ETV6: variants seen among roughly 807,000 people sequenced by gnomAD.
The protein encoded by ETV6 is ETS variant transcription factor 6.
In ETV6, 16 loss-of-function variants were observed where a neutral mutation model predicts 51.1. That is an observed-to-expected ratio of 0.31 (90% CI 0.21 to 0.48). The LOEUF is 0.48. Ranked by LOEUF, ETV6 falls within the 20% of genes least tolerant of loss-of-function variation. The pLI, the probability that ETV6 is intolerant of heterozygous loss-of-function variation, is 0.99. For synonymous variants in ETV6, 240 were observed against 224.1 expected (o/e 1.07, Z -0.64); for missense variants, 458 against 594.8 (o/e 0.77, Z 2.39).
At chr12:11,855,882 C>T (rs2136498257) in intron 4 of ETV6, among the ~76,000 whole-genome samples, 1 of 152,340 alleles carries the variant, frequency 6.6e-6, no homozygotes, top group South Asian at 2.1e-4. Context: ...CCACCAGCCA[C>T]TCCAGAGAAG....
At chr12:11,775,468 G>A (rs1945307838) in intron 2 of ETV6, among the ~76,000 whole-genome samples, 1 of 152,178 alleles carries the variant, frequency 6.6e-6, no homozygotes, top group Admixed American at 6.5e-5. Context: ...AATGTCTTTA[G>A]GGTAATTTTG....
intron 2 of ETV6, among the ~76,000 whole-genome samples, chr12:11,820,660 C>G (rs989817448): frequency 6.6e-6 from 1 of 151,844 alleles, no homozygotes; most frequent in African/African-American, 2.4e-5. Context: ...GTGGCTGGAG[C>G]AGAATGAAGG....
At chr12:11,652,652 C>T (rs1257171434) in intron 1 of ETV6, among the ~76,000 whole-genome samples, 1 of 152,196 alleles carries the variant, frequency 6.6e-6, no homozygotes, top group African/African-American at 2.4e-5. Context: ...TTACAAGTAG[C>T]GGGTCAGCAG....
At chr12:11,765,197 A>G (rs950073382) in intron 2 of ETV6, among the ~76,000 whole-genome samples, 3 of 152,222 alleles carry the variant, frequency 2.0e-5, no homozygotes, top group African/African-American at 4.8e-5. Flanking sequence ...TTAGTGAACT[A>G]TATGACTCTC....
intron 7 of ETV6, 136 bp downstream of exon 7, chr12:11,886,162 A>G (rs1947179773): frequency 1.5e-6 from 1 of 675,230 alleles, no homozygotes; most frequent in Admixed American, 2.5e-5. Flanking sequence ...CAAACTGGAT[A>G]CCAGGTACTG....
chr12:11,722,246 T>G (rs887201591), intron 1 of ETV6, among the ~76,000 whole-genome samples: 17 of 152,250 alleles, frequency 1.1e-4, no homozygotes, highest in African/African-American at 4.1e-4. Context: ...TTGAGTTTCC[T>G]CACCTTTTAT....
intron 2 of ETV6, among the ~76,000 whole-genome samples, chr12:11,832,491 A>C (rs1207078727): frequency 6.6e-6 from 1 of 152,260 alleles, no homozygotes; most frequent in Non-Finnish European, 1.5e-5. Context: ...CTAAAAGAAT[A>C]GGAACTGTTG....
intron 5 of ETV6, among the ~76,000 whole-genome samples, chr12:11,880,250 A>G (rs1947069145): frequency 6.6e-6 from 1 of 152,190 alleles, no homozygotes; most frequent in South Asian, 2.1e-4. Flanking sequence ...ACGTATTTTT[A>G]TTACTCAGCT....
chr12:11,666,393 TGGG>T (rs960409624), intron 1 of ETV6, among the ~76,000 whole-genome samples: 1 of 152,212 alleles, frequency 6.6e-6, no homozygotes, highest in Non-Finnish European at 1.5e-5. Context: ...TGAGAATGAC[TGGG>T]CATACTATGG....
At chr12:11,716,949 A>G (rs1250849319) in intron 1 of ETV6, among the ~76,000 whole-genome samples, 1 of 152,146 alleles carries the variant, frequency 6.6e-6, no homozygotes, top group Non-Finnish European at 1.5e-5. Context: ...ATCTAAAATC[A>G]TTAGGTAGAT....
At chr12:11,691,413 A>T (rs967361462) in intron 1 of ETV6, among the ~76,000 whole-genome samples, 5 of 152,202 alleles carry the variant, frequency 3.3e-5, no homozygotes, top group African/African-American at 1.2e-4. Flanking sequence ...ACCCAAGGTA[A>T]CTATTATCTG....
At chr12:11,848,002 C>T (rs1946489274) in intron 3 of ETV6, among the ~76,000 whole-genome samples, 1 of 152,186 alleles carries the variant, frequency 6.6e-6, no homozygotes, top group Admixed American at 6.5e-5. Context: ...AAAATTCCAT[C>T]CATATGAATG....
intron 2 of ETV6, among the ~76,000 whole-genome samples, chr12:11,763,961 T>C (rs1464945871): frequency 1.3e-5 from 2 of 152,222 alleles, no homozygotes; most frequent in Non-Finnish European, 2.9e-5. Flanking sequence ...GGGAATGTGG[T>C]CACCCAGTTG....
chr12:11,856,509 G>A (rs1169928250), intron 4 of ETV6, among the ~76,000 whole-genome samples: 1 of 151,912 alleles, frequency 6.6e-6, no homozygotes, highest in Non-Finnish European at 1.5e-5. Context: ...GTCTTTATCC[G>A]GTGGTATCCA....
intron 2 of ETV6, among the ~76,000 whole-genome samples, chr12:11,779,670 T>C (rs923819006): frequency 6.6e-6 from 1 of 152,248 alleles, no homozygotes; most frequent in Non-Finnish European, 1.5e-5. Flanking sequence ...GTTAAAATAA[T>C]CACTGAAATA....
chr12:11,880,032 TAAAAAAAAA>T (rs59152213), intron 5 of ETV6, among the ~76,000 whole-genome samples: 4 of 117,870 alleles, frequency 3.4e-5, no homozygotes, highest in Admixed American at 9.3e-5. Context: ...GTCAATTGTT[TAAAAAAAAA>T]AAAAAAAAAA....
At chr12:11,652,745 GAA>G (rs1180821081) in intron 1 of ETV6, among the ~76,000 whole-genome samples, 3 of 152,230 alleles carry the variant, frequency 2.0e-5, no homozygotes, top group Admixed American at 6.5e-5. Context: ...TGCTCTGCTA[GAA>G]AAGAGTAGTG....
At chr12:11,854,575 C>T (rs1373611685) in intron 4 of ETV6, among the ~76,000 whole-genome samples, 1 of 152,168 alleles carries the variant, frequency 6.6e-6, no homozygotes, top group Non-Finnish European at 1.5e-5. Context: ...AAATTTCAAA[C>T]ATACTCCAAA....
At chr12:11,766,824 G>T (rs565831454) in intron 2 of ETV6, among the ~76,000 whole-genome samples, 91 of 152,324 alleles carry the variant, frequency 6.0e-4, no homozygotes, top group Non-Finnish European at 1.9e-4. Context: ...TTAAAATCTT[G>T]AAGGCAGTAA....
Sources: allele counts gnomAD v4.1 joint callset (sites outside exome capture counted in the v4.1 genomes callset), GRCh38; gene constraint gnomAD v4.1.1; transcripts MANE v1.5; gene names NCBI Gene and HGNC (gene_info 2026-07-23, HGNC 2026-07-21).